CR1: variants seen among roughly 807,000 people sequenced by gnomAD.
CR1 encodes complement receptor type 1.
In CR1, 116 loss-of-function variants were observed where a neutral mutation model predicts 187.3. The ratio of observed to expected loss-of-function variants is 0.62; its 90% CI spans 0.53 to 0.72. The LOEUF (loss-of-function observed/expected upper bound fraction) is 0.72. CR1 is among the 30% of genes least tolerant of loss of function. The pLI, the probability that CR1 is intolerant of heterozygous loss-of-function variation, is 0.00. For synonymous variants in CR1, 576 were observed against 747.1 expected (o/e 0.77, Z 3.73); for missense variants, 1,731 against 2,110.7 (o/e 0.82, Z 3.52).
At chr1:207,503,275 G>A (rs1417439743) in intron 1 of CR1, among the ~76,000 whole-genome samples, 2 of 152,122 alleles carry the variant, frequency 1.3e-5, no homozygotes, top group Non-Finnish European at 2.9e-5. Context: ...AGAAGACATT[G>A]GGTTCAAGAT....
In CR1 at chr1:207,640,620, T is replaced by G. The variant is rs1338850120; in HGVS notation, c.*1211T>G. The stretch of plus-strand genomic sequence containing the variant: ...ACTTTTAAAAAATGTATCAAAATAA[T>G]AAACGTGTTCTGATATTTTTAAAAT... On this transcript the variant is annotated 3_prime_UTR_variant, in exon 47 of 47. Transcript: ENST00000367049. 1.3e-5 allele frequency: 2 copies of G among 152,202 alleles called. No individual in the cohort carries two copies. Among genetic ancestry groups the G allele is most frequent in the Non-Finnish European group, 2.9e-5 (2 of 68,016 alleles). The allele number at this position is 152,202 out of a possible 1,614,324, so 9.4% of individuals were successfully genotyped here.
chr1:207,603,110 A>G (rs1204066759), intron 35 of CR1, among the ~76,000 whole-genome samples: 1 of 152,006 alleles, frequency 6.6e-6, no homozygotes, highest in Non-Finnish European at 1.5e-5. Flanking sequence ...TCTTTTTTTT[A>G]ATTTGACAAG....
chr1:207,628,810 A>G (rs1022254999), intron 45 of CR1, among the ~76,000 whole-genome samples: 4 of 152,128 alleles, frequency 2.6e-5, no homozygotes, highest in African/African-American at 7.2e-5. Context: ...ACTTTGGTAT[A>G]TTGAACCAGT....
intron 29 of CR1, among the ~76,000 whole-genome samples, chr1:207,578,743 C>T (rs1409686283): frequency 2.6e-5 from 4 of 152,362 alleles, no homozygotes; most frequent in Non-Finnish European, 1.5e-5. Flanking sequence ...ATACTTTCAT[C>T]AGTATCCATT....
intron 5 of CR1, among the ~76,000 whole-genome samples, chr1:207,526,108 T>C (rs1394688936): frequency 6.6e-6 from 1 of 152,060 alleles, no homozygotes; most frequent in South Asian, 2.1e-4. Flanking sequence ...ATGGTGACAG[T>C]AGGTCTTTCA....
chr1:207,575,019 G>A (rs1383755315), intron 27 of CR1, among the ~76,000 whole-genome samples: 1 of 152,068 alleles, frequency 6.6e-6, no homozygotes, highest in Non-Finnish European at 1.5e-5. Flanking sequence ...TCATCATTGG[G>A]CATCATGAAA....
At chr1:207,518,050 TA>T (rs2102298642) in intron 4 of CR1, among the ~76,000 whole-genome samples, 1 of 152,300 alleles carries the variant, frequency 6.6e-6, no homozygotes, top group East Asian at 1.9e-4. Context: ...TGATACTAAT[TA>T]ATTTGTTTCC....
chr1:207,641,398 G>T lies in CR1; in HGVS notation c.*1989G>T, dbSNP rs1331832636. ...GCTCTGTTACCCAGGCTGGAGTGCA[G>T]TGGTGCTATCTAGGCTTACTGCAAC... On this transcript the variant is annotated 3_prime_UTR_variant, in exon 47 of 47. Coordinates refer to ENST00000367049, the MANE Select transcript of CR1 (RefSeq NM_000651.6). 1 of 152,172 alleles carries T rather than the reference G, an allele frequency of 6.6e-6. No individual in the cohort carries two copies. The highest frequency in any genetic ancestry group is 2.4e-5 in the African/African-American group (1 of 41,452). 9.4% of individuals were successfully genotyped at this position (152,172 alleles called of 1,614,324 possible). A position where few individuals can be genotyped will look rare whatever the true frequency, so the allele number is the denominator to read the frequency against.
At chr1:207,523,217 T>G (rs1284937356) in intron 4 of CR1, among the ~76,000 whole-genome samples, 1 of 152,212 alleles carries the variant, frequency 6.6e-6, no homozygotes, top group Non-Finnish European at 1.5e-5. Flanking sequence ...CCCTTATACT[T>G]TATCTTTTAG....
intron 5 of CR1, among the ~76,000 whole-genome samples, chr1:207,526,061 G>A (rs1418738575): frequency 2.6e-5 from 4 of 152,080 alleles, no homozygotes; most frequent in Non-Finnish European, 2.9e-5. Flanking sequence ...AGCCAGCGCT[G>A]CCCTTACAAT....
chr1:207,617,507 A>ATATATATATATATATATTTGTG (rs1332301171), intron 41 of CR1, among the ~76,000 whole-genome samples: 1 of 47,010 alleles, frequency 2.1e-5, no homozygotes, highest in Non-Finnish European at 4.8e-5. Context: ...ATATATATAT[A>ATATATATATATATATATTTGTG]TGTGTGTGTG....
intron 35 of CR1, among the ~76,000 whole-genome samples, chr1:207,593,944 C>T (rs996618959): frequency 6.6e-6 from 1 of 152,156 alleles, no homozygotes; most frequent in South Asian, 2.1e-4. Flanking sequence ...ACTAAAAAGT[C>T]AGGAAACAAC....
In CR1 at chr1:207,578,057, T is replaced by C. The variant is rs193112197; in HGVS notation, c.4790T>C (p.Ile1597Thr). 1.3e-5 allele frequency: 21 copies of C among 1,611,492 alleles called. No individual in the cohort carries two copies. In the African/African-American group the frequency reaches 2.7e-4, roughly 21 times the overall value. The stretch of plus-strand genomic sequence containing the variant: ...ACGCCTCCAAATGTGGAAAATGGAA[T>C]ATTGGTATCTGACAACAGAAGCTTA... ...KCTPPNVENG[I>T]LVSDNRSLFS... is the part of the protein sequence containing the mutation. The change falls in exon 29 of 47, where the codon ATA becomes ACA. Residue 1597 changes from isoleucine to threonine, a missense_variant. This residue lies in a region of CR1 where 1,312 missense variants were observed against 1,379.6 expected (regional missense o/e 0.95). Transcript: ENST00000367049.
chr1:207,585,306 G>T (rs1661081815), intron 33 of CR1, among the ~76,000 whole-genome samples: 1 of 152,202 alleles, frequency 6.6e-6, no homozygotes, highest in African/African-American at 2.4e-5. Flanking sequence ...ATATTATTTA[G>T]CTAAGGTTTT....
intron 35 of CR1, among the ~76,000 whole-genome samples, chr1:207,593,356 G>A (rs1661333838): frequency 6.6e-6 from 1 of 152,170 alleles, no homozygotes; most frequent in South Asian, 2.1e-4. Flanking sequence ...AAGCAATGGG[G>A]AAAGGATTCC....
At chr1:207,565,380 G>A (rs1660462844) in intron 23 of CR1, among the ~76,000 whole-genome samples, 1 of 150,454 alleles carries the variant, frequency 6.6e-6, no homozygotes, top group Non-Finnish European at 1.5e-5. Context: ...CACAGATGTG[G>A]AGATGAAAGG....
chr1:207,567,526 A>G (rs1328338483), intron 24 of CR1, among the ~76,000 whole-genome samples: 1 of 150,410 alleles, frequency 6.6e-6, no homozygotes, highest in African/African-American at 2.5e-5. Flanking sequence ...TAAATGAATA[A>G]ATAACCCTTC....
intron 40 of CR1, among the ~76,000 whole-genome samples, chr1:207,615,737 G>A (rs1381633769): frequency 1.3e-5 from 2 of 152,064 alleles, no homozygotes; most frequent in Admixed American, 1.3e-4. Context: ...CAATACCTGA[G>A]GAAACTCAAG....
chr1:207,497,780 A>T (rs1332957706), intron 1 of CR1, among the ~76,000 whole-genome samples: 1 of 152,114 alleles, frequency 6.6e-6, no homozygotes, highest in Non-Finnish European at 1.5e-5. Flanking sequence ...AAACAATCCC[A>T]GACACTATTA....
Sources: gnomAD v4.1 joint callset for allele counts (sites outside exome capture counted in the v4.1 genomes callset) on GRCh38, gnomAD v4.1.1 for gene constraint, gnomAD v4.1.1 regional missense constraint, MANE v1.5 for transcripts, NCBI Gene and HGNC (gene_info 2026-07-23, HGNC 2026-07-21) for gene names.